Variants in STK24 observed in about 807,000 individuals in gnomAD.
STK24 encodes serine/threonine kinase 24, also known as serine/threonine-protein kinase 24.
A neutral mutation model predicts 55.6 loss-of-function variants in STK24; 21 were observed. The observed-to-expected ratio is 0.38, with a 90% CI of 0.27 to 0.54. STK24 has a LOEUF of 0.54. Ranked by LOEUF, STK24 falls within the 20% of genes least tolerant of loss-of-function variation. The probability of loss-of-function intolerance (pLI) is 0.79; values close to 1 mark genes in which losing one functional copy is unlikely to be tolerated. For synonymous variants in STK24, 200 were observed against 215.2 expected (o/e 0.93, Z 0.62); for missense variants, 383 against 538.4 (o/e 0.71, Z 2.86).
chr13:98,453,329 G>C (rs904355479), intron 10 of STK24, 120 bp from the exon 11 acceptor site: 1 of 976,072 alleles, frequency 1.0e-6, no homozygotes, highest in African/African-American at 1.6e-5. Flanking sequence ...AAAAATAAGT[G>C]GAGCAAATAT....
intron 2 of STK24, among the ~76,000 whole-genome samples, chr13:98,501,931 A>C (rs1895478794): frequency 6.6e-6 from 1 of 152,152 alleles, no homozygotes; most frequent in Non-Finnish European, 1.5e-5. Flanking sequence ...CCTCTGACCC[A>C]GAGTGCTGCT....
chr13:98,541,286 T>C (rs367824070), intron 1 of STK24, among the ~76,000 whole-genome samples: 4 of 152,300 alleles, frequency 2.6e-5, no homozygotes. Flanking sequence ...TCCTCTCCAG[T>C]TCATCTGCAT....
chr13:98,473,673 C>A (rs1894250265), intron 5 of STK24, among the ~76,000 whole-genome samples: 1 of 152,154 alleles, frequency 6.6e-6, no homozygotes. Context: ...GGTGGGGGAA[C>A]CCATCAGTCA....
At position 98,448,675 on chromosome 13, in the gene STK24, A is replaced by G. The variant is rs1893019931; in HGVS notation, c.*4498T>C. 2 of 186,852 alleles carry G rather than the reference A, an allele frequency of 1.1e-5. No individual in the cohort carries two copies. Among genetic ancestry groups the G allele is most frequent in the African/African-American group, 2.3e-5 (1 of 42,584 alleles). 11.6% of individuals were successfully genotyped at this position (186,852 alleles called of 1,614,324 possible). ...AGGGCAAGTGTTTTTCTTCCTAAAA[A>G]AAGTTCTTTCTTTTATTATTTTCAC... On this transcript the variant is annotated 3_prime_UTR_variant, in exon 11 of 11. Transcript: ENST00000539966.
intron 1 of STK24, chr13:98,553,763 A>G (rs56405885): frequency 0.022 from 3,290 of 152,348 alleles, 48 homozygotes; most frequent in South Asian, 0.041. Flanking sequence ...AAAAAGCAAG[A>G]AAAAGGAGGA....
At chr13:98,542,899 C>T (rs1401935869) in intron 1 of STK24, 1 of 985,298 alleles carries the variant, frequency 1.0e-6, no homozygotes, top group African/African-American at 1.7e-5. Context: ...CCAAACAACA[C>T]CAGAACACGC....
intron 5 of STK24, among the ~76,000 whole-genome samples, chr13:98,470,374 T>TC (rs1894097245): frequency 6.6e-6 from 1 of 152,160 alleles, no homozygotes; most frequent in Non-Finnish European, 1.5e-5. Flanking sequence ...CAAGCTGTCC[T>TC]CCCGCCAGGG....
rs1316289620 is a variant in STK24, at chr13:98,474,965, C to T, written c.453G>A (p.Leu151=). 6.2e-7 allele frequency: 1 copy of T among 1,612,122 alleles called. No homozygotes were observed. Among genetic ancestry groups the T allele is most frequent in the Non-Finnish European group, 8.5e-7 (1 of 1,179,074 alleles). Residue 151 remains leucine (L), a synonymous_variant, in exon 5 of 11, where the codon CTG becomes CTA. Transcript: ENST00000539966. ...IHRDIKAANV[L]LSEHGEVKLA... is the part of the protein sequence containing the mutation. ...GCTTCACCTCGCCATGCTCAGACAG[C>T]AGGACGTTGGCCGCTGCAAAAGAAA...
At chr13:98,462,046 T>C in intron 7 of STK24, 149 bp from the exon 8 acceptor site, 1 of 972,672 alleles carries the variant, frequency 1.0e-6, no homozygotes, top group East Asian at 2.7e-5. Context: ...CCAGTCCCTC[T>C]GGGATTTCCC....
intron 2 of STK24, among the ~76,000 whole-genome samples, chr13:98,502,099 T>G (rs1446927010): frequency 6.6e-6 from 1 of 152,204 alleles, no homozygotes; most frequent in Non-Finnish European, 1.5e-5. Flanking sequence ...TCTTGGCCTC[T>G]TGTCCTGAAT....
chr13:98,451,369 T>C lies in STK24; in HGVS notation c.*1804A>G, dbSNP rs1457308909. 1 of 152,218 alleles carries C rather than the reference T, an allele frequency of 6.6e-6. No homozygotes were observed. Among genetic ancestry groups the C allele is most frequent in the Non-Finnish European group, 1.5e-5 (1 of 68,044 alleles). The allele number at this position is 152,218 out of a possible 1,614,324, so 9.4% of individuals were successfully genotyped here. ...AATGAAATCTTCTCCAATTTTATTATTCAACATAACATTCTTGTATGGAGT... is the reference window on the plus strand; with the variant it reads ...AATGAAATCTTCTCCAATTTTATTACTCAACATAACATTCTTGTATGGAGT... On this transcript the variant is annotated 3_prime_UTR_variant, in exon 11 of 11. Coordinates refer to ENST00000539966, the MANE Select transcript of STK24 (RefSeq NM_001032296.4).
At chr13:98,517,676 G>C (rs1239927569) in intron 2 of STK24, among the ~76,000 whole-genome samples, 2 of 152,094 alleles carry the variant, frequency 1.3e-5, no homozygotes, top group Non-Finnish European at 2.9e-5. Context: ...TTCCCCCACG[G>C]AAGTCACATG....
At chr13:98,521,628 T>C in intron 1 of STK24, 1 of 606,660 alleles carries the variant, frequency 1.6e-6, no homozygotes, top group East Asian at 2.9e-5. Flanking sequence ...GCCTTGAACC[T>C]GCACCTCCAC....
chr13:98,501,881 T>C (rs1895477424), intron 2 of STK24, among the ~76,000 whole-genome samples: 1 of 152,074 alleles, frequency 6.6e-6, no homozygotes, highest in African/African-American at 2.4e-5. Context: ...TTAAGAAGTT[T>C]TCCTAATATC....
At chr13:98,514,595 G>T (rs1389498119) in intron 2 of STK24, among the ~76,000 whole-genome samples, 1 of 152,120 alleles carries the variant, frequency 6.6e-6, no homozygotes, top group African/African-American at 2.4e-5. Flanking sequence ...GTAAGTCAGG[G>T]ATCTGAATCC....
chr13:98,533,476 G>A (rs1371079054), intron 1 of STK24, among the ~76,000 whole-genome samples: 1 of 151,848 alleles, frequency 6.6e-6, no homozygotes, highest in East Asian at 1.9e-4. Flanking sequence ...ACTTAAGATA[G>A]AAATGCTCTA....
intron 1 of STK24, among the ~76,000 whole-genome samples, chr13:98,568,793 G>T (rs568275668): frequency 1.3e-5 from 2 of 151,916 alleles, no homozygotes; most frequent in Admixed American, 6.6e-5. Context: ...ACTGGAACCT[G>T]GGGGGGCAGA....
intron 1 of STK24, among the ~76,000 whole-genome samples, chr13:98,558,079 C>T (rs961287053): frequency 1.1e-4 from 16 of 152,132 alleles, no homozygotes; most frequent in Non-Finnish European, 2.2e-4. Flanking sequence ...GAAATGTATG[C>T]GACACATGTG....
At position 98,449,532 on chromosome 13, in the gene STK24, A is replaced by C. The variant is rs1158540585; in HGVS notation, c.*3641T>G. On this transcript the variant is annotated 3_prime_UTR_variant, in exon 11 of 11. Coordinates refer to ENST00000539966, the MANE Select transcript of STK24 (RefSeq NM_001032296.4). Reference sequence around the variant, plus strand: ...CGGAGGCGAGGGCCAATTCAACCCCATTCTTTCCAGCGCCCCGCACCATAG... The same window carrying C: ...CGGAGGCGAGGGCCAATTCAACCCCCTTCTTTCCAGCGCCCCGCACCATAG... 1.3e-5 allele frequency: 2 copies of C among 152,532 alleles called. No individual in the cohort carries two copies. The highest frequency in any genetic ancestry group is 2.9e-5 in the Non-Finnish European group (2 of 68,056). The allele number at this position is 152,532 out of a possible 1,614,324, so 9.4% of individuals were successfully genotyped here. A position where few individuals can be genotyped will look rare whatever the true frequency, so the allele number is the denominator to read the frequency against.
Sources: allele counts gnomAD v4.1 joint callset (sites outside exome capture counted in the v4.1 genomes callset), GRCh38; gene constraint gnomAD v4.1.1; transcripts MANE v1.5; gene names NCBI Gene and HGNC (gene_info 2026-07-23, HGNC 2026-07-21).